SLC26A6: variants seen among roughly 807,000 people sequenced by gnomAD.
The protein encoded by SLC26A6 is solute carrier family 26 member 6.
In SLC26A6, 67 loss-of-function variants were observed where a neutral mutation model predicts 87.1. That is an observed-to-expected ratio of 0.77 (90% CI 0.63 to 0.94). The LOEUF (loss-of-function observed/expected upper bound fraction) is 0.94, where lower values mean the gene tolerates loss of function less well. SLC26A6 is among the 40% of genes least tolerant of loss of function. The pLI is 0.00. For missense variants in SLC26A6, 902 were observed against 973.0 expected, an observed-to-expected ratio of 0.93 and a Z score of 0.97; for synonymous variants, 414 against 405.9, an observed-to-expected ratio of 1.02 and a Z score of -0.24.
At chr3:48,632,215 G>C in intron 5 of SLC26A6, 30 bp downstream of exon 5, 13 of 1,569,622 alleles carry the variant, frequency 8.3e-6, no homozygotes, top group Non-Finnish European at 1.1e-5. Flanking sequence ...AAGTGGTGGT[G>C]GGGGGCACAT....
At position 48,632,019 on chromosome 3, in the gene SLC26A6, C is replaced by A; in HGVS notation, c.611G>T (p.Gly204Val). 1 of 1,613,280 alleles carries A rather than the reference C, an allele frequency of 6.2e-7. No individual in the cohort carries two copies. Among genetic ancestry groups the A allele is most frequent in the Non-Finnish European group, 8.5e-7 (1 of 1,180,006 alleles). ...FQVGLGLIHF[G>V]FVVTYLSEPL... The stretch of plus-strand genomic sequence containing the variant: ...TTCTGACAGGTAGGTGACCACGAAG[C>A]CGAAGTGGATCAGGCCCAGCCCCAC... Residue 204 changes from glycine (G) to valine (V), a missense_variant, in exon 6 of 21, where the codon GGC (glycine) becomes GTC (valine). Transcript: ENST00000395550.
chr3:48,630,301 CA>C, intron 11 of SLC26A6, 136 bp downstream of exon 11: 1 of 1,304,840 alleles, frequency 7.7e-7, no homozygotes, highest in Admixed American at 2.2e-5. Flanking sequence ...CCCTTGTCTC[CA>C]AATCTCACCT....
intron 11 of SLC26A6, 89 bp downstream of exon 11, chr3:48,630,349 G>A (rs1039896095): frequency 1.4e-6 from 2 of 1,421,012 alleles, no homozygotes; most frequent in Non-Finnish European, 1.9e-6. Context: ...ACCTAACCTT[G>A]TGTCCCCACC....
chr3:48,627,022 T>C lies in SLC26A6; in HGVS notation c.1927A>G (p.Thr643Ala). 1 of 1,613,908 alleles carries C rather than the reference T, an allele frequency of 6.2e-7. No homozygotes were observed. The highest frequency in any genetic ancestry group is 2.2e-5 in the East Asian group (1 of 44,884). Residue 643 changes from threonine (T) to alanine (A), a missense_variant, in exon 18 of 21, where the codon ACA becomes GCA. This residue lies in a region of SLC26A6 where 800 missense variants were observed against 856.8 expected (regional missense o/e 0.93). Coordinates refer to ENST00000395550, the MANE Select transcript of SLC26A6 (RefSeq NM_022911.3). ...VSSGDKMEDA[T>A]ANGQEDSKAP... ...TTGGAGTCTTCTTGACCATTGGCTG[T>C]TGCATCTTCCATCTTATCTCCTGAG...
At chr3:48,633,711 G>T in intron 1 of SLC26A6, 76 bp from the exon 2 acceptor site, 1 of 1,565,074 alleles carries the variant, frequency 6.4e-7, no homozygotes, top group East Asian at 2.2e-5. Flanking sequence ...CCTAGGACCA[G>T]AGAGTTACCT....
chr3:48,630,711 C>T lies in SLC26A6; in HGVS notation c.1144G>A (p.Ala382Thr). The T allele has an allele frequency of 6.3e-7, 1 of 1,598,996 alleles. No individual in the cohort carries two copies. The highest frequency in any genetic ancestry group is 8.5e-7 in the Non-Finnish European group (1 of 1,171,882). Residue 382 changes from alanine to threonine, a missense_variant, in exon 10 of 21, where the codon GCC becomes ACC. Physicochemically the swap from Ala to Thr is moderately conservative, Grantham distance 58. This residue lies in a region of SLC26A6 where 800 missense variants were observed against 856.8 expected (regional missense o/e 0.93). Coordinates refer to ENST00000395550, the MANE Select transcript of SLC26A6 (RefSeq NM_022911.3). Reference protein sequence around the residue: ...YRVDSNQELVALGLSNLIGGI... With the variant: ...YRVDSNQELVTLGLSNLIGGI... ...CCGATAAGGTTACTGAGGCCCAGGGCCACCAGCTCCTGACGGGGGACAGTA... is the reference window on the plus strand; with the variant it reads ...CCGATAAGGTTACTGAGGCCCAGGGTCACCAGCTCCTGACGGGGGACAGTA...
At chr3:48,626,734 A>G (rs752008041) in intron 18 of SLC26A6, 49 bp from the exon 19 acceptor site, 1 of 1,612,760 alleles carries the variant, frequency 6.2e-7, no homozygotes, top group Non-Finnish European at 8.5e-7. Context: ...AGGGACTCAG[A>G]GGGGGGCTCG....
intron 5 of SLC26A6, 33 bp downstream of exon 5, chr3:48,632,212 G>A: frequency 1.3e-6 from 2 of 1,569,910 alleles, no homozygotes; most frequent in Non-Finnish European, 1.7e-6. Flanking sequence ...CAGAAGTGGT[G>A]GTGGGGGGCA....
At position 48,632,541 on chromosome 3, in the gene SLC26A6, G is replaced by A. The variant is rs1438288863; in HGVS notation, c.434-145C>T. 14 of 1,227,218 alleles carry A rather than the reference G, an allele frequency of 1.1e-5. No individual in the cohort carries two copies. In the South Asian group the frequency reaches 1.3e-4, roughly 11 times the overall value. 76.0% of individuals were successfully genotyped at this position (1,227,218 alleles called of 1,614,324 possible). The stretch of plus-strand genomic sequence containing the variant: ...CTGCATGAACAGGGACAGTGCTGGC[G>A]GTTCAGGTTTGGCCAGGCCAGGAGT... On this transcript the variant is annotated intron_variant, in intron 4 of 20. Transcript: ENST00000395550.
intron 10 of SLC26A6, 24 bp downstream of exon 10, chr3:48,630,571 TGCATGCCCACAC>T (rs781584146): frequency 6.4e-7 from 1 of 1,560,360 alleles, no homozygotes; most frequent in South Asian, 1.2e-5. Flanking sequence ...CAAAGCAATG[TGCATGCCCACAC>T]CCATGCCCAC....
At chr3:48,632,894 C>T (rs2046845548) in intron 4 of SLC26A6, 80 bp downstream of exon 4, 3 of 1,390,028 alleles carry the variant, frequency 2.2e-6, no homozygotes, top group South Asian at 1.2e-5. Context: ...GCCGCTCCTG[C>T]CCTGCTCAGT....
At chr3:48,629,768 G>A in intron 13 of SLC26A6, 57 bp from the exon 14 acceptor site, 4 of 1,609,382 alleles carry the variant, frequency 2.5e-6, no homozygotes, top group East Asian at 2.2e-5. Context: ...ATAACAGAGG[G>A]GTCCGAAGGA....
Position 48,625,883 on chromosome 3 carries a change from G to C in SLC26A6, c.*103C>G, listed in dbSNP as rs2046606231. 1 of 1,461,330 alleles carries C rather than the reference G, an allele frequency of 6.8e-7. No homozygotes were observed. The highest frequency in any genetic ancestry group is 1.4e-5 in the African/African-American group (1 of 71,820). 90.5% of individuals were successfully genotyped at this position (1,461,330 alleles called of 1,614,324 possible). On this transcript the variant is annotated 3_prime_UTR_variant, in exon 21 of 21. Coordinates refer to ENST00000395550, the MANE Select transcript of SLC26A6 (RefSeq NM_022911.3). The surrounding 1 kb of genome is among the most constrained non-coding windows in gnomAD (Gnocchi z 4.7). Reference sequence around the variant, plus strand: ...TCCCTGAGTTGTGTGTGTGTACATGGAGGGGACTCCTGGGTAGCACCTGGA... The same window carrying C: ...TCCCTGAGTTGTGTGTGTGTACATGCAGGGGACTCCTGGGTAGCACCTGGA...
At chr3:48,630,956 A>T in intron 9 of SLC26A6, 37 bp downstream of exon 9, 3 of 1,608,526 alleles carry the variant, frequency 1.9e-6, no homozygotes, top group East Asian at 2.2e-5. Context: ...GCCTCCATAC[A>T]CTTGGATGCC....
chr3:48,626,369 T>C lies in SLC26A6; in HGVS notation c.2129-15A>G. ...GACCACAGGGCCTGTGGGCAAGAAG[T>C]AGGCCTCCCCTGACTCTCAGAACCT... On this transcript the variant is annotated splice_polypyrimidine_tract_variant and intron_variant, in intron 19 of 20. Transcript: ENST00000395550. The C allele has an allele frequency of 1.2e-6, 2 of 1,613,774 alleles. No individual in the cohort carries two copies. The highest frequency in any genetic ancestry group is 8.5e-7 in the Non-Finnish European group (1 of 1,179,952).
rs1165454928 is a variant in SLC26A6 at position 48,631,320 on chromosome 3, CAG to C, written c.904-16_904-15del. On this transcript the variant is annotated splice_polypyrimidine_tract_variant and intron_variant, in intron 7 of 20. Coordinates refer to ENST00000395550, the MANE Select transcript of SLC26A6 (RefSeq NM_022911.3). ...GGCCCCGATGAGCTGTGGGAGAGGA[CAG>C]AGTCAGGGAGGCAGGTGCTGGCACC... The C allele has an allele frequency of 6.4e-7, 1 of 1,566,054 alleles. No homozygotes were observed. Among genetic ancestry groups the C allele is most frequent in the East Asian group, 2.3e-5 (1 of 44,152 alleles).
intron 11 of SLC26A6, 98 bp from the exon 12 acceptor site, chr3:48,630,255 C>G: frequency 7.1e-7 from 1 of 1,418,040 alleles, no homozygotes; most frequent in South Asian, 1.2e-5. Context: ...AGCACTCAGG[C>G]AGTACCCCAG....
intron 1 of SLC26A6, among the ~76,000 whole-genome samples, 158 bp downstream of exon 1, chr3:48,635,213 C>T (rs1480481247): frequency 6.6e-6 from 1 of 151,928 alleles, no homozygotes; most frequent in Non-Finnish European, 1.5e-5. Flanking sequence ...CGCCCCCACC[C>T]CTTGCTGCAG....
intron 11 of SLC26A6, 139 bp downstream of exon 11, chr3:48,630,299 T>C: frequency 1.5e-6 from 2 of 1,307,978 alleles, no homozygotes; most frequent in Non-Finnish European, 2.1e-6. Flanking sequence ...GACCCTTGTC[T>C]CCAAATCTCA....
Sources: gnomAD v4.1 joint callset for allele counts (sites outside exome capture counted in the v4.1 genomes callset) on GRCh38, gnomAD v4.1.1 for gene constraint, gnomAD v4.1.1 regional missense constraint, Gnocchi (gnomAD v3.1) non-coding constraint, MANE v1.5 for transcripts, NCBI Gene and HGNC (gene_info 2026-07-23, HGNC 2026-07-21) for gene names.